The following CELF4 variants were observed in gnomAD, a reference collection of about 807,000 sequenced individuals.
CELF4 encodes CUG-BP- and ETR-3-like factor 4.
In CELF4, 18 loss-of-function variants were observed where a neutral mutation model predicts 59.9. The ratio of observed to expected loss-of-function variants is 0.30; its 90% CI spans 0.21 to 0.45. The LOEUF (loss-of-function observed/expected upper bound fraction) is 0.45. CELF4 is among the 20% of genes least tolerant of loss of function. The pLI is 1.00. For synonymous variants in CELF4, 261 were observed against 267.1 expected, an observed-to-expected ratio of 0.98 and a Z score of 0.22; for missense variants, 456 against 689.0, an observed-to-expected ratio of 0.66 and a Z score of 3.79.
chr18:37,301,897 G>T (rs1307604956), intron 3 of CELF4, among the ~76,000 whole-genome samples: 1 of 152,136 alleles, frequency 6.6e-6, no homozygotes, highest in Non-Finnish European at 1.5e-5. Context: ...CTCTGGCATG[G>T]CATGCCATGC....
At position 37,405,029 on chromosome 18, in the gene CELF4, G is replaced by A. The variant is rs531603554; in HGVS notation, c.369+80496C>T. On this transcript the variant is annotated intron_variant, in intron 2 of 12. Coordinates refer to ENST00000420428, the MANE Select transcript of CELF4 (RefSeq NM_020180.4). ...GTCCATCATACACCTGCACCCAGCC[G>A]TTCACCCACGGGGCCACTCTCTGCT... Among the ~76,000 whole-genome samples the A allele has an allele frequency of 7.2e-5, 11 of 152,256 alleles. No individual in the cohort carries two copies. In the South Asian group the frequency reaches 2.3e-3, roughly 32 times the overall value.
intron 2 of CELF4, among the ~76,000 whole-genome samples, chr18:37,360,572 G>C (rs1292581852): frequency 6.6e-6 from 1 of 152,218 alleles, no homozygotes; most frequent in Non-Finnish European, 1.5e-5. Context: ...GGAAACAGAG[G>C]CCCAGATAGG....
chr18:37,504,758 T>C (rs1197604524), intron 1 of CELF4, among the ~76,000 whole-genome samples: 1 of 152,184 alleles, frequency 6.6e-6, no homozygotes, highest in Non-Finnish European at 1.5e-5. Context: ...ACTGGCTCTA[T>C]TTTCATTTTT....
chr18:37,367,262 C>T (rs2098796914), intron 2 of CELF4, among the ~76,000 whole-genome samples: 1 of 151,400 alleles, frequency 6.6e-6, no homozygotes, highest in Admixed American at 6.6e-5. Flanking sequence ...AGCAGGTGGA[C>T]AGAAAGGAAA....
At chr18:37,487,589 G>A (rs1052033005) in intron 1 of CELF4, among the ~76,000 whole-genome samples, 5 of 152,130 alleles carry the variant, frequency 3.3e-5, no homozygotes, top group East Asian at 3.9e-4. Flanking sequence ...CCGTGACGTC[G>A]TCCCTCGTGC....
intron 10 of CELF4, among the ~76,000 whole-genome samples, chr18:37,261,694 C>T (rs898209927): frequency 2.0e-5 from 3 of 152,252 alleles, no homozygotes; most frequent in South Asian, 2.1e-4. Context: ...AGACAGAAAG[C>T]GGCTACCCCT....
chr18:37,299,985 G>A (rs543213397), intron 3 of CELF4, among the ~76,000 whole-genome samples: 1 of 152,216 alleles, frequency 6.6e-6, no homozygotes, highest in Admixed American at 6.5e-5. Context: ...CTGGATCATT[G>A]CAAGCTTCCC....
intron 1 of CELF4, among the ~76,000 whole-genome samples, chr18:37,495,191 G>A (rs1475265294): frequency 1.3e-4 from 20 of 152,246 alleles, no homozygotes; most frequent in Admixed American, 1.2e-3. Flanking sequence ...AGACCAGGGT[G>A]AGAAGCCAGG....
rs1485156529 is a variant in CELF4, at chr18:37,243,531, A to C, written c.*1711T>G. 1.3e-5 allele frequency: 2 copies of C among 152,212 alleles called. No homozygotes were observed. The allele number at this position is 152,212 out of a possible 1,614,324, so 9.4% of individuals were successfully genotyped here. A position where few individuals can be genotyped will look rare whatever the true frequency, so the allele number is the denominator to read the frequency against. ...TCTGAGTTTTTTAAGCAATGTCTTT[A>C]ACTGCTCTAAAGTCATTTACCAAAG... On this transcript the variant is annotated 3_prime_UTR_variant, in exon 13 of 13. Transcript: ENST00000420428.
intron 3 of CELF4, among the ~76,000 whole-genome samples, chr18:37,306,759 A>G (rs1261076156): frequency 6.6e-6 from 1 of 152,012 alleles, no homozygotes; most frequent in Non-Finnish European, 1.5e-5. Flanking sequence ...AGGCCGACAC[A>G]TTTCTTCCCA....
At chr18:37,471,379 C>G (rs1279894179) in intron 2 of CELF4, among the ~76,000 whole-genome samples, 3 of 152,150 alleles carry the variant, frequency 2.0e-5, no homozygotes, top group Non-Finnish European at 4.4e-5. Flanking sequence ...CTCCCAAGAA[C>G]CCAAAGGAAA....
chr18:37,394,351 G>A (rs1400055777), intron 2 of CELF4, among the ~76,000 whole-genome samples: 3 of 152,226 alleles, frequency 2.0e-5, no homozygotes, highest in Non-Finnish European at 4.4e-5. Context: ...TGCAGCCGCC[G>A]TGACCTTAGA....
chr18:37,491,080 T>C (rs1015358863), intron 1 of CELF4, among the ~76,000 whole-genome samples: 3 of 152,090 alleles, frequency 2.0e-5, no homozygotes, highest in South Asian at 2.1e-4. Context: ...ACCACAGTGC[T>C]GCCCTCAGCA....
At chr18:37,533,019 T>C (rs2099970770) in intron 1 of CELF4, among the ~76,000 whole-genome samples, 1 of 152,264 alleles carries the variant, frequency 6.6e-6, no homozygotes, top group Admixed American at 6.5e-5. Flanking sequence ...CCCAGAATTA[T>C]CTGGGTTGTT....
chr18:37,529,135 C>T (rs1327710889), intron 1 of CELF4: 1 of 152,108 alleles, frequency 6.6e-6, no homozygotes, highest in African/African-American at 2.4e-5. Flanking sequence ...TGCTCTGTGC[C>T]TCGGTGTCCT....
chr18:37,267,385 T>A (rs972870537), intron 8 of CELF4, among the ~76,000 whole-genome samples: 2 of 152,210 alleles, frequency 1.3e-5, no homozygotes, highest in African/African-American at 4.8e-5. Flanking sequence ...CCTTCTGTTG[T>A]CTTTGCTGTC....
chr18:37,510,655 T>C (rs73947294), intron 1 of CELF4, among the ~76,000 whole-genome samples: 2,165 of 152,348 alleles, frequency 0.014, 52 homozygotes, highest in African/African-American at 0.048. Flanking sequence ...GGGGGTGGAC[T>C]TCATGGTGCC....
chr18:37,299,754 G>T (rs1019550233), intron 3 of CELF4, among the ~76,000 whole-genome samples: 2 of 152,226 alleles, frequency 1.3e-5, no homozygotes, highest in African/African-American at 4.8e-5. Context: ...ATTGCACAGG[G>T]TTTTCTGGAA....
chr18:37,253,936 A>G lies in CELF4; in HGVS notation c.1336T>C (p.Phe446Leu). 6.3e-7 allele frequency: 1 copy of G among 1,587,426 alleles called. No individual in the cohort carries two copies. Among genetic ancestry groups the G allele is most frequent in the South Asian group, 1.1e-5 (1 of 89,616 alleles). ...ELMQMFLPFG[F>L]VSFDNPASAQ... ...CTGGCCGGGTTGTCGAAGCTCACGA[A>G]GCCTGGCGAGACACGAGGGACGAGG... Residue 446 changes from phenylalanine (F) to leucine (L), a missense_variant and splice_region_variant, in exon 12 of 13, where the codon TTC becomes CTC. Physicochemically the swap from Phe to Leu is conservative, Grantham distance 22. Around this residue, in one of 7 missense-constraint regions of CELF4, gnomAD observed 256 missense variants for 340.8 expected, o/e 0.75. Transcript: ENST00000420428. The surrounding 1 kb of genome is among the most constrained non-coding windows in gnomAD (Gnocchi z 4.5).
Sources: gnomAD v4.1 joint callset for allele counts (sites outside exome capture counted in the v4.1 genomes callset) on GRCh38, gnomAD v4.1.1 for gene constraint, gnomAD v4.1.1 regional missense constraint, Gnocchi (gnomAD v3.1) non-coding constraint, MANE v1.5 for transcripts, NCBI Gene and HGNC (gene_info 2026-07-23, HGNC 2026-07-21) for gene names.